The following THAP9 variants were observed in gnomAD, a reference collection of about 807,000 sequenced individuals.
THAP9 encodes THAP domain containing 9.
A neutral mutation model predicts 35.7 loss-of-function variants in THAP9; 20 were observed. That is an observed-to-expected ratio of 0.56 (90% CI 0.39 to 0.81). The LOEUF is 0.81. Among genes scored for constraint, THAP9 ranks in the 40% least tolerant of loss-of-function variants. The probability of loss-of-function intolerance (pLI) is 0.00; values close to 1 mark genes in which losing one functional copy is unlikely to be tolerated. For synonymous variants in THAP9, 335 were observed against 373.7 expected, an observed-to-expected ratio of 0.90 and a Z score of 1.19; for missense variants, 870 against 1,047.4, an observed-to-expected ratio of 0.83 and a Z score of 2.34.
Position 82,904,800 on chromosome 4 carries a change from A to G in THAP9, c.145A>G (p.Ser49Gly). Residue 49 changes from serine to glycine, a missense_variant, in exon 2 of 5, where the codon AGC becomes GGC. Transcript: ENST00000302236. ...GGCTGTTAATCGTGTGGACCCCAGAAGCAAAAAGATTTGGATTCCAGGACC... is the reference window on the plus strand; with the variant it reads ...GGCTGTTAATCGTGTGGACCCCAGAGGCAAAAAGATTTGGATTCCAGGACC... Reference protein sequence around the residue: ...IRAVNRVDPRSKKIWIPGPGA... With the variant: ...IRAVNRVDPRGKKIWIPGPGA... The G allele has an allele frequency of 6.2e-7, 1 of 1,614,160 alleles. No individual in the cohort carries two copies. The highest frequency in any genetic ancestry group is 2.2e-5 in the East Asian group (1 of 44,858).
Position 82,900,828 on chromosome 4 carries a change from G to A in THAP9, c.26G>A (p.Gly9Asp), listed in dbSNP as rs1421320207. ...ATGACCCGAAGTTGCTCCGCAGTGGGCTGCAGCACCCGTGACACCGTGCTC... is the reference window on the plus strand; with the variant it reads ...ATGACCCGAAGTTGCTCCGCAGTGGACTGCAGCACCCGTGACACCGTGCTC... MTRSCSAV[G>D]CSTRDTVLSR... The change falls in exon 1 of 5, where the codon GGC becomes GAC. Residue 9 changes from glycine to aspartate, a missense_variant. Physicochemically the swap from Gly to Asp is moderately conservative, Grantham distance 94 (BLOSUM62 -1). Transcript: ENST00000302236. 3.1e-6 allele frequency: 5 copies of A among 1,613,628 alleles called. No homozygotes were observed. The highest frequency in any genetic ancestry group is 1.1e-5 in the South Asian group (1 of 91,080).
In THAP9 at chr4:82,917,801, G is replaced by A. The variant is rs761575620; in HGVS notation, c.1589G>A (p.Gly530Glu). The part of the protein sequence containing the change: ...IFNSRNCYGK[G>E]LKGPLLPETY... ...AATAGTAGGAACTGTTATGGAAAGG[G>A]ACTTAAAGGGCCTCTGTTGCCTGAA... is the stretch of plus-strand genomic sequence containing the variant. The change falls in exon 5 of 5, where the codon GGA becomes GAA. Residue 530 changes from glycine to glutamate, a missense_variant. Coordinates refer to ENST00000302236, the MANE Select transcript of THAP9 (RefSeq NM_024672.6). 2 of 1,613,798 alleles carry A rather than the reference G, an allele frequency of 1.2e-6. No individual in the cohort carries two copies. Among genetic ancestry groups the A allele is most frequent in the East Asian group, 2.2e-5 (1 of 44,874 alleles).
intron 4 of THAP9, among the ~76,000 whole-genome samples, chr4:82,911,183 T>G (rs1720852532): frequency 6.6e-6 from 1 of 152,164 alleles, no homozygotes; most frequent in Non-Finnish European, 1.5e-5. Flanking sequence ...TGGAAGGAAG[T>G]ATGACCTTAA....
Position 82,904,916 on chromosome 4 carries a change from TGTTTCTCTATACAAG to T in THAP9, c.264_276+2del. On this transcript the variant is annotated inframe_deletion and splice_region_variant, in exon 2 of 5. Coordinates refer to ENST00000302236, the MANE Select transcript of THAP9 (RefSeq NM_024672.6). ...AGCTGAAAAAAGGAGCTGTGCCTTC[TGTTTCTCTATACAAG>T]GTATTTAAATGTAGGTGTAAGTCAA... The T allele has an allele frequency of 6.2e-7, 1 of 1,614,072 alleles. No individual in the cohort carries two copies. The highest frequency in any genetic ancestry group is 1.1e-5 in the South Asian group (1 of 91,084).
chr4:82,908,673 A>G (rs1193256386), intron 4 of THAP9, among the ~76,000 whole-genome samples: 1 of 152,218 alleles, frequency 6.6e-6, no homozygotes, highest in African/African-American at 2.4e-5. Flanking sequence ...GCTCACTGCA[A>G]CCTTGCCTTC....
chr4:82,915,518 A>G (rs1721008178), intron 4 of THAP9, among the ~76,000 whole-genome samples: 1 of 152,166 alleles, frequency 6.6e-6, no homozygotes, highest in African/African-American at 2.4e-5. Context: ...CAGCCTCCCA[A>G]AGTGCTGGGA....
chr4:82,911,955 T>C (rs1035207186), intron 4 of THAP9, among the ~76,000 whole-genome samples: 41 of 152,210 alleles, frequency 2.7e-4, no homozygotes, highest in African/African-American at 9.7e-4. Context: ...AAACTAGACT[T>C]AAATTTTTTT....
At chr4:82,912,716 A>G (rs569285684) in intron 4 of THAP9, among the ~76,000 whole-genome samples, 1 of 152,316 alleles carries the variant, frequency 6.6e-6, no homozygotes, top group South Asian at 2.1e-4. Context: ...TTGGCATGTT[A>G]TTCCTAGGAA....
intron 4 of THAP9, among the ~76,000 whole-genome samples, 170 bp from the exon 5 acceptor site, chr4:82,916,774 T>C (rs1721045231): frequency 6.6e-6 from 1 of 152,250 alleles, no homozygotes; most frequent in South Asian, 2.1e-4. Context: ...TATCTTACTA[T>C]TTTATTGTAA....
Position 82,900,846 on chromosome 4 carries a change from C to T in THAP9, c.44C>T (p.Thr15Ile). The T allele has an allele frequency of 6.2e-7, 1 of 1,613,542 alleles. No individual in the cohort carries two copies. The highest frequency in any genetic ancestry group is 8.5e-7 in the Non-Finnish European group (1 of 1,180,038). ...GCAGTGGGCTGCAGCACCCGTGACA[C>T]CGTGCTCAGCCGGGAGCGCGGCCTC... ...CSAVGCSTRD[T>I]VLSRERGLSF... Residue 15 changes from threonine (T) to isoleucine (I), a missense_variant, in exon 1 of 5, where the codon ACC (threonine) becomes ATC (isoleucine). Coordinates refer to ENST00000302236, the MANE Select transcript of THAP9 (RefSeq NM_024672.6).
At chr4:82,905,023 A>C (rs1720584602) in intron 2 of THAP9, 92 bp downstream of exon 2, 1 of 1,199,884 alleles carries the variant, frequency 8.3e-7, no homozygotes, top group South Asian at 1.5e-5. Flanking sequence ...ATTTGCAGAC[A>C]AAAAAACCCA....
chr4:82,905,758 T>C (rs1281087202), intron 2 of THAP9: 2 of 403,940 alleles, frequency 5.0e-6, no homozygotes, highest in African/African-American at 4.2e-5. Flanking sequence ...ATGGCTGCCA[T>C]GTGTTGAGAG....
rs1720797063 is a variant in THAP9, at chr4:82,909,702, C to CTTA, written c.731+1768_731+1770dup. Reference sequence around the variant, plus strand: ...TTTTGATGAACATTTGTATATAAGGCTTACTCTTTCATAATGTGATTTTAC... The same window carrying CTTA: ...TTTTGATGAACATTTGTATATAAGGCTTATTACTCTTTCATAATGTGATTTTAC... On this transcript the variant is annotated intron_variant, in intron 4 of 4. Coordinates refer to ENST00000302236, the MANE Select transcript of THAP9 (RefSeq NM_024672.6). Among the ~76,000 whole-genome samples the CTTA allele has an allele frequency of 3.9e-5, 6 of 152,040 alleles. No homozygotes were observed. The South Asian group carries it at 1.2e-3, about 32-fold the overall frequency.
At chr4:82,905,090 A>G (rs1249341636) in intron 2 of THAP9, 159 bp downstream of exon 2, 13 of 586,722 alleles carry the variant, frequency 2.2e-5, no homozygotes, top group Non-Finnish European at 3.2e-5. Flanking sequence ...AAAAAATTAT[A>G]TATATTAGCA....
Position 82,916,746 on chromosome 4 carries a change from A to T in THAP9, c.732-198A>T, listed in dbSNP as rs188900763. On this transcript the variant is annotated intron_variant, in intron 4 of 4. Coordinates refer to ENST00000302236, the MANE Select transcript of THAP9 (RefSeq NM_024672.6). ...TTGGATGTTTGCATCTTAAAATACTACTTTGTGTTTCTAAGTTTATCTTAC... is the reference window on the plus strand; with the variant it reads ...TTGGATGTTTGCATCTTAAAATACTTCTTTGTGTTTCTAAGTTTATCTTAC... Among the ~76,000 whole-genome samples the T allele has an allele frequency of 1.6e-3, 243 of 152,312 alleles. 2 individuals carry two copies. The highest frequency in any genetic ancestry group is 2.0e-3 in the Non-Finnish European group (135 of 68,024).
At chr4:82,907,640 A>G in intron 3 of THAP9, 145 bp from the exon 4 acceptor site, 1 of 625,670 alleles carries the variant, frequency 1.6e-6, no homozygotes, top group Non-Finnish European at 2.6e-6. Context: ...CTAAGTGGAT[A>G]TTAACCTCTG....
At chr4:82,901,026 A>G (rs1297787816) in intron 1 of THAP9, 144 bp downstream of exon 1, 11 of 985,600 alleles carry the variant, frequency 1.1e-5, no homozygotes, top group Non-Finnish European at 1.4e-5. Flanking sequence ...GGGGCGTGGG[A>G]GCGGAATTGG....
chr4:82,908,216 T>C (rs573595138), intron 4 of THAP9, among the ~76,000 whole-genome samples: 79 of 152,300 alleles, frequency 5.2e-4, no homozygotes, highest in Non-Finnish European at 9.4e-4. Context: ...TGAAGACACA[T>C]AGTATGACAA....
chr4:82,917,840 T>C lies in THAP9; in HGVS notation c.1628T>C (p.Ile543Thr), dbSNP rs753278613. The part of the protein sequence containing the change: ...GPLLPETYSK[I>T]NHVLIEAKTI... Reference sequence around the variant, plus strand: ...CTGTTGCCTGAAACTTACAGTAAAATAAACCACGTGTTAATTGAAGCCAAG... The same window carrying C: ...CTGTTGCCTGAAACTTACAGTAAAACAAACCACGTGTTAATTGAAGCCAAG... The change falls in exon 5 of 5, where the codon ATA (isoleucine) becomes ACA (threonine). Residue 543 changes from isoleucine to threonine, a missense_variant. Ile to Thr is a moderately conservative substitution (Grantham distance 89, BLOSUM62 -1). Transcript: ENST00000302236. The C allele has an allele frequency of 1.2e-6, 2 of 1,613,462 alleles. No homozygotes were observed. Among genetic ancestry groups the C allele is most frequent in the Admixed American group, 3.3e-5 (2 of 59,954 alleles).
Sources: allele counts gnomAD v4.1 joint callset (sites outside exome capture counted in the v4.1 genomes callset), GRCh38; gene constraint gnomAD v4.1.1; transcripts MANE v1.5; gene names NCBI Gene and HGNC (gene_info 2026-07-23, HGNC 2026-07-21).